FRAS1: variants seen among roughly 807,000 people sequenced by gnomAD.
FRAS1 encodes Fraser extracellular matrix complex subunit 1.
Under a neutral mutation model 435.2 loss-of-function variants are expected in FRAS1, and 290 were observed. The ratio of observed to expected loss-of-function variants is 0.67; its 90% CI spans 0.61 to 0.73. The LOEUF (loss-of-function observed/expected upper bound fraction) is 0.73. FRAS1 is among the 30% of genes least tolerant of loss of function. The pLI is 0.00. For synonymous variants in FRAS1, 1,800 were observed against 1,851.0 expected, an observed-to-expected ratio of 0.97 and a Z score of 0.71; for missense variants, 4,860 against 5,001.5, an observed-to-expected ratio of 0.97 and a Z score of 0.85.
At position 78,374,120 on chromosome 4, in the gene FRAS1, G is replaced by A. The variant is rs771634751; in HGVS notation, c.3020G>A (p.Ser1007Asn). The change falls in exon 25 of 74, where the codon AGC becomes AAC. Residue 1007 changes from serine (S) to asparagine (N), a missense_variant. By Grantham distance (46) the Ser-to-Asn change is conservative. Transcript: ENST00000512123. Reference protein sequence around the residue: ...QDSGLCKNCDSYCLQCQGPHE... With the variant: ...QDSGLCKNCDNYCLQCQGPHE... ...GACTTTTGTCTTTCAGACTGTGACA[G>A]CTACTGTCTCCAGTGCCAAGGTCCC... 3.2e-6 allele frequency: 5 copies of A among 1,581,188 alleles called. No homozygotes were observed. In the African/African-American group the frequency reaches 4.0e-5, roughly 13 times the overall value.
intron 2 of FRAS1, among the ~76,000 whole-genome samples, chr4:78,219,876 T>C (rs560291244): frequency 3.3e-5 from 5 of 152,318 alleles, no homozygotes; most frequent in Admixed American, 1.3e-4. Context: ...GATAGGCAGG[T>C]ATCCAAGTAC....
chr4:78,189,431 C>T (rs914720448), intron 2 of FRAS1, among the ~76,000 whole-genome samples: 4 of 152,132 alleles, frequency 2.6e-5, no homozygotes, highest in African/African-American at 9.7e-5. Flanking sequence ...CCTGTGTCTT[C>T]TTGCATTGTT....
intron 9 of FRAS1, among the ~76,000 whole-genome samples, chr4:78,275,548 G>T (rs1197447830): frequency 6.6e-6 from 1 of 152,176 alleles, no homozygotes; most frequent in African/African-American, 2.4e-5. Context: ...TGTCTCTAAA[G>T]GATTTTATTT....
At chr4:78,361,039 G>C (rs1731054843) in intron 20 of FRAS1, among the ~76,000 whole-genome samples, 1 of 152,244 alleles carries the variant, frequency 6.6e-6, no homozygotes, top group Admixed American at 6.5e-5. Flanking sequence ...TTGCTTTAAA[G>C]AGGATAGGCC....
At chr4:78,348,218 A>G (rs1730682864) in intron 20 of FRAS1, among the ~76,000 whole-genome samples, 1 of 39,160 alleles carries the variant, frequency 2.6e-5, no homozygotes, top group Non-Finnish European at 4.7e-5. Context: ...TTCTGAGTCA[A>G]AGAAAGGGGT....
At chr4:78,294,799 A>G (rs1011671549) in intron 14 of FRAS1, among the ~76,000 whole-genome samples, 11 of 152,204 alleles carry the variant, frequency 7.2e-5, no homozygotes, top group African/African-American at 2.7e-4. Context: ...TCCCTCCATC[A>G]TTAGGAAAAT....
chr4:78,219,799 GT>G (rs1318688355), intron 2 of FRAS1, among the ~76,000 whole-genome samples: 3 of 152,066 alleles, frequency 2.0e-5, no homozygotes, highest in Non-Finnish European at 2.9e-5. Context: ...TTTCATGAAG[GT>G]TTTTTTCATT....
At chr4:78,289,500 A>G (rs1727781139) in intron 14 of FRAS1, among the ~76,000 whole-genome samples, 1 of 152,090 alleles carries the variant, frequency 6.6e-6, no homozygotes, top group African/African-American at 2.4e-5. Flanking sequence ...TAAACCGGAG[A>G]CAGATGTAGG....
chr4:78,402,788 G>A (rs145472934), intron 30 of FRAS1, among the ~76,000 whole-genome samples: 82 of 152,214 alleles, frequency 5.4e-4, no homozygotes, highest in African/African-American at 1.9e-3. Context: ...TCCAATCTGC[G>A]ACACACACTT....
At chr4:78,173,445 G>A (rs886651257) in intron 2 of FRAS1, among the ~76,000 whole-genome samples, 1 of 152,108 alleles carries the variant, frequency 6.6e-6, no homozygotes, top group African/African-American at 2.4e-5. Context: ...CCCGGAGGAG[G>A]TCCTTTACTC....
At chr4:78,171,542 C>T (rs1306606415) in intron 2 of FRAS1, among the ~76,000 whole-genome samples, 2 of 152,162 alleles carry the variant, frequency 1.3e-5, no homozygotes. Flanking sequence ...CACCTCCACC[C>T]CCACACCTAC....
intron 2 of FRAS1, among the ~76,000 whole-genome samples, chr4:78,138,755 G>C (rs1720032719): frequency 6.6e-6 from 1 of 152,096 alleles, no homozygotes; most frequent in African/African-American, 2.4e-5. Context: ...ATGAGATAAG[G>C]TGGGCCCCTC....
At chr4:78,137,399 A>G (rs1719967672) in intron 2 of FRAS1, among the ~76,000 whole-genome samples, 2 of 152,196 alleles carry the variant, frequency 1.3e-5, no homozygotes, top group South Asian at 2.1e-4. Context: ...GTATACATAT[A>G]TATTTTTTCT....
intron 41 of FRAS1, among the ~76,000 whole-genome samples, chr4:78,442,736 T>A (rs1367541373): frequency 6.6e-6 from 1 of 152,132 alleles, no homozygotes; most frequent in Non-Finnish European, 1.5e-5. Context: ...TAAGGTGCAG[T>A]GGAATCACCT....
At chr4:78,446,284 G>A in intron 42 of FRAS1, 1 of 1,007,572 alleles carries the variant, frequency 9.9e-7, no homozygotes, top group Non-Finnish European at 1.2e-6. Flanking sequence ...AAAGGGGCTG[G>A]CACCAGGGCA....
Position 78,466,413 on chromosome 4 carries a change from T to C in FRAS1, c.7235T>C (p.Ile2412Thr). 2 of 1,613,466 alleles carry C rather than the reference T, an allele frequency of 1.2e-6. No individual in the cohort carries two copies. The highest frequency in any genetic ancestry group is 1.7e-6 in the Non-Finnish European group (2 of 1,179,608). ...TCTGATGGGACAAACCCCTTCTTTA[T>C]CATTGAGGAAGGGGGAAAAGAGGTG... The part of the protein sequence containing the change: ...TVSDGTNPFF[I>T]IEEGGKEIMT... The change falls in exon 50 of 74, where the codon ATC becomes ACC. Residue 2412 changes from isoleucine (I) to threonine (T), a missense_variant. Coordinates refer to ENST00000512123, the MANE Select transcript of FRAS1 (RefSeq NM_025074.7).
intron 2 of FRAS1, among the ~76,000 whole-genome samples, chr4:78,200,519 C>T (rs562511550): frequency 6.6e-6 from 1 of 152,190 alleles, no homozygotes; most frequent in Non-Finnish European, 1.5e-5. Flanking sequence ...AGAGCAACTT[C>T]TAACACGTAC....
chr4:78,340,199 C>T (rs1176612595), intron 20 of FRAS1, among the ~76,000 whole-genome samples: 1 of 152,030 alleles, frequency 6.6e-6, no homozygotes, highest in East Asian at 1.9e-4. Flanking sequence ...CTGGAAGCCC[C>T]CAACCCTAGA....
At chr4:78,295,777 C>G (rs920887302) in intron 14 of FRAS1, among the ~76,000 whole-genome samples, 4 of 150,492 alleles carry the variant, frequency 2.7e-5, no homozygotes, top group Middle Eastern at 3.4e-3. Context: ...TGGAGTCTCA[C>G]TCTGTCACCC....
Sources: gnomAD v4.1 joint callset for allele counts (sites outside exome capture counted in the v4.1 genomes callset) on GRCh38, gnomAD v4.1.1 for gene constraint, MANE v1.5 for transcripts, NCBI Gene and HGNC (gene_info 2026-07-23, HGNC 2026-07-21) for gene names.